The following NOSIP variants were observed in gnomAD, a reference collection of about 807,000 sequenced individuals.
NOSIP encodes the protein nitric oxide synthase-interacting protein.
Under a neutral mutation model 36.4 loss-of-function variants are expected in NOSIP, and 25 were observed. The ratio of observed to expected loss-of-function variants is 0.69; its 90% CI spans 0.50 to 0.96. The LOEUF (loss-of-function observed/expected upper bound fraction) is 0.96, where lower values mean the gene tolerates loss of function less well. Ranked by LOEUF, NOSIP falls within the 40% of genes least tolerant of loss-of-function variation. NOSIP has a pLI of 0.00. For synonymous variants in NOSIP, 187 were observed against 179.2 expected, an observed-to-expected ratio of 1.04 and a Z score of -0.35; for missense variants, 370 against 429.0, an observed-to-expected ratio of 0.86 and a Z score of 1.21.
In NOSIP at chr19:49,556,593, G is replaced by A. The variant is rs776460161; in HGVS notation, c.681C>T (p.Arg227=). 6.2e-6 allele frequency: 10 copies of A among 1,606,392 alleles called. No individual in the cohort carries two copies. The Admixed American group carries it at 1.7e-4, about 27-fold the overall frequency. Residue 227 remains arginine (R), a synonymous_variant, in exon 7 of 9, where the codon CGC becomes CGT. Coordinates refer to ENST00000596358, the MANE Select transcript of NOSIP (RefSeq NM_001270960.2). ...AGGGGGTGGCGTTGCTCAGGCTGTCGCGGGTCACGGCACACACGTAGCGCT... is the reference window on the plus strand; with the variant it reads ...AGGGGGTGGCGTTGCTCAGGCTGTCACGGGTCACGGCACACACGTAGCGCT... ...RSERYVCAVT[R]DSLSNATPCA... is the part of the protein sequence containing the mutation.
intron 8 of NOSIP, 54 bp from the exon 9 acceptor site, chr19:49,555,876 G>A (rs2080230677): frequency 7.5e-7 from 1 of 1,330,042 alleles, no homozygotes; most frequent in Non-Finnish European, 1.1e-6. Flanking sequence ...GGTGACCAGT[G>A]GGGCTCCAGG....
In NOSIP at chr19:49,576,839, G is replaced by A. The variant is rs922131144; in HGVS notation, c.-2+3676C>T. ...GCGAAGGTCGTGATGAGCCAAGATC[G>A]CACCATTGCACTCCAGCCTAGGCAA... is the stretch of plus-strand genomic sequence containing the variant. On this transcript the variant is annotated intron_variant, in intron 1 of 8. Transcript: ENST00000596358. Among the ~76,000 whole-genome samples, 3 of 134,816 alleles carry A rather than the reference G, an allele frequency of 2.2e-5. No individual in the cohort carries two copies. The Admixed American group carries it at 2.6e-4, about 12-fold the overall frequency. The allele number at this position is 134,816 out of a possible 152,430, so 88.4% of individuals were successfully genotyped here. A position where few individuals can be genotyped will look rare whatever the true frequency, so the allele number is the denominator to read the frequency against.
Position 49,557,105 on chromosome 19 carries a change from AGAGGGCCTTGG to A in NOSIP, c.392_402del (p.Ala131ValfsTer7), listed in dbSNP as rs1159987736. The A allele has an allele frequency of 6.2e-7, 1 of 1,612,164 alleles. No homozygotes were observed. Among genetic ancestry groups the A allele is most frequent in the African/African-American group, 1.3e-5 (1 of 75,008 alleles). On this transcript the variant is annotated frameshift_variant, in exon 5 of 9. Coordinates refer to ENST00000596358, the MANE Select transcript of NOSIP (RefSeq NM_001270960.2). LOFTEE classifies it high-confidence loss of function. ...CCTGAGTCACCTGGGCTGGTGCCCG[AGAGGGCCTTGG>A]CTGTGAAAGGGTTGAGGGGCCGGCT...
rs545166856 is a variant in NOSIP, at chr19:49,564,471, A to C, written c.-1-3779T>G. 7.5e-4 allele frequency among the ~76,000 whole-genome samples: 114 copies of C among 151,572 alleles called. 1 individual carries two copies. The highest frequency in any genetic ancestry group is 6.8e-3 in the East Asian group (35 of 5,172). On this transcript the variant is annotated intron_variant, in intron 1 of 8. Coordinates refer to ENST00000596358, the MANE Select transcript of NOSIP (RefSeq NM_001270960.2). Reference sequence around the variant, plus strand: ...TCCATCTCAAAAAAAAAAAAAAAAAAAAAAACAAAATAAAACTTCATTGAG... The same window carrying C: ...TCCATCTCAAAAAAAAAAAAAAAAACAAAAACAAAATAAAACTTCATTGAG...
At chr19:49,565,791 A>T (rs1165227610) in intron 1 of NOSIP, among the ~76,000 whole-genome samples, 2 of 151,902 alleles carry the variant, frequency 1.3e-5, no homozygotes, top group Admixed American at 1.3e-4. Flanking sequence ...GAAAGAAATT[A>T]ATGGCGGGGG....
intron 4 of NOSIP, 113 bp from the exon 5 acceptor site, chr19:49,557,362 T>C (rs1277799129): frequency 2.1e-6 from 3 of 1,457,614 alleles, no homozygotes. Flanking sequence ...ATGGAGGCAC[T>C]ATGTGGCAGA....
intron 1 of NOSIP, among the ~76,000 whole-genome samples, chr19:49,571,271 C>G (rs1256656954): frequency 6.6e-6 from 1 of 151,678 alleles, no homozygotes; most frequent in Non-Finnish European, 1.5e-5. Flanking sequence ...CGGGCATGAA[C>G]CACTGCACCC....
At chr19:49,561,316 C>T (rs1391532311) in intron 1 of NOSIP, among the ~76,000 whole-genome samples, 1 of 152,160 alleles carries the variant, frequency 6.6e-6, no homozygotes, top group African/African-American at 2.4e-5. Context: ...TCCACTCCCA[C>T]TGCAGGTAAA....
At chr19:49,567,617 G>A (rs1015830289) in intron 1 of NOSIP, among the ~76,000 whole-genome samples, 4 of 152,072 alleles carry the variant, frequency 2.6e-5, no homozygotes, top group Admixed American at 1.3e-4. Context: ...TGAGAGACTG[G>A]GAGAAGATAC....
intron 1 of NOSIP, among the ~76,000 whole-genome samples, chr19:49,568,211 T>C (rs2080436059): frequency 6.6e-6 from 1 of 152,126 alleles, no homozygotes; most frequent in East Asian, 1.9e-4. Context: ...ACCAACATAC[T>C]CCAAAAATAT....
intron 4 of NOSIP, 103 bp downstream of exon 4, chr19:49,558,794 A>C: frequency 2.1e-6 from 2 of 936,664 alleles, no homozygotes; most frequent in Admixed American, 3.5e-5. Context: ...ATGGTGTACC[A>C]GGCAGAGGGA....
At chr19:49,578,129 G>GC (rs1395874948) in intron 1 of NOSIP, among the ~76,000 whole-genome samples, 3 of 151,750 alleles carry the variant, frequency 2.0e-5, no homozygotes, top group African/African-American at 7.3e-5. Context: ...TCCCACTAAT[G>GC]CTTTTTTTTT....
intron 1 of NOSIP, among the ~76,000 whole-genome samples, chr19:49,576,273 A>C (rs2080552100): frequency 6.6e-6 from 1 of 152,094 alleles, no homozygotes; most frequent in South Asian, 2.1e-4. Flanking sequence ...CAGGAGGATC[A>C]CTTGAACTCA....
intron 1 of NOSIP, among the ~76,000 whole-genome samples, chr19:49,576,238 G>C (rs778662088): frequency 1.9e-4 from 29 of 152,080 alleles, no homozygotes; most frequent in Non-Finnish European, 3.8e-4. Flanking sequence ...CTCATACCTG[G>C]ATAGGGTGCT....
intron 1 of NOSIP, among the ~76,000 whole-genome samples, chr19:49,579,870 T>C (rs2080602745): frequency 6.6e-6 from 1 of 152,104 alleles, no homozygotes; most frequent in African/African-American, 2.4e-5. Context: ...TTTATATAAG[T>C]TTGAACATTT....
intron 1 of NOSIP, among the ~76,000 whole-genome samples, chr19:49,580,073 G>A (rs1173846515): frequency 6.6e-6 from 1 of 150,726 alleles, no homozygotes; most frequent in South Asian, 2.1e-4. Context: ...GGCGATGGAT[G>A]ACTGCACAAT....
intron 1 of NOSIP, among the ~76,000 whole-genome samples, chr19:49,576,398 C>G (rs1304924675): frequency 6.6e-6 from 1 of 151,770 alleles, no homozygotes; most frequent in Non-Finnish European, 1.5e-5. Flanking sequence ...CATAGCAAGA[C>G]TCCATCTCCA....
At chr19:49,565,093 T>C (rs918415205) in intron 1 of NOSIP, among the ~76,000 whole-genome samples, 10 of 151,970 alleles carry the variant, frequency 6.6e-5, no homozygotes, top group African/African-American at 1.5e-4. Flanking sequence ...CTGAGCAACA[T>C]AGCAAAACCT....
At chr19:49,556,181 G>GT in intron 8 of NOSIP, 136 bp downstream of exon 8, 1 of 430,560 alleles carries the variant, frequency 2.3e-6, no homozygotes, top group Admixed American at 3.8e-5. Context: ...GGGGGGGGGG[G>GT]GCGGCCTTAC....
Sources: allele counts gnomAD v4.1 joint callset (sites outside exome capture counted in the v4.1 genomes callset), GRCh38; gene constraint gnomAD v4.1.1; transcripts MANE v1.5; gene names NCBI Gene and HGNC (gene_info 2026-07-23, HGNC 2026-07-21).